The following PNKP variants were observed in gnomAD, a reference collection of about 807,000 sequenced individuals.
PNKP encodes bifunctional polynucleotide phosphatase/kinase.
In PNKP, 82 loss-of-function variants were observed where a neutral mutation model predicts 66.2. The observed-to-expected ratio is 1.24, with a 90% CI of 1.04 to 1.49. The LOEUF (loss-of-function observed/expected upper bound fraction) is 1.49, where lower values mean the gene tolerates loss of function less well. PNKP is among the 40% of genes most tolerant of loss of function. PNKP has a pLI of 0.00. For synonymous variants in PNKP, 412 were observed against 298.9 expected, an observed-to-expected ratio of 1.38 and a Z score of -3.90; for missense variants, 907 against 706.8, an observed-to-expected ratio of 1.28 and a Z score of -3.21.
At chr19:49,864,972 C>T (rs1263453359) in intron 4 of PNKP, among the ~76,000 whole-genome samples, 155 bp downstream of exon 4, 3 of 152,192 alleles carry the variant, frequency 2.0e-5, no homozygotes, top group East Asian at 3.8e-4. Flanking sequence ...ATATCATTCT[C>T]CCCACTGCTT....
Position 49,862,370 on chromosome 19 carries a change from C to A in PNKP, c.1029+1G>T, listed in dbSNP as rs959497903. Reference sequence around the variant, plus strand: ...CCCCCACCCCCGCCCCAGGGCCTCACCGGATCAAAGGCTGGGAGCTCGAAG... The same window carrying A: ...CCCCCACCCCCGCCCCAGGGCCTCAACGGATCAAAGGCTGGGAGCTCGAAG... On this transcript the variant is annotated splice_donor_variant, in intron 11 of 16. Coordinates refer to ENST00000322344, the MANE Select transcript of PNKP (RefSeq NM_007254.4). LOFTEE classifies it high-confidence loss of function. 1.3e-6 allele frequency: 2 copies of A among 1,541,698 alleles called. No homozygotes were observed. The highest frequency in any genetic ancestry group is 1.8e-6 in the Non-Finnish European group (2 of 1,139,338).
In PNKP at chr19:49,862,460, C is replaced by T. The variant is rs1381404753; in HGVS notation, c.940G>A (p.Ala314Thr). 3.8e-6 allele frequency: 6 copies of T among 1,591,272 alleles called. No individual in the cohort carries two copies. Among genetic ancestry groups the T allele is most frequent in the Non-Finnish European group, 5.1e-6 (6 of 1,168,870 alleles). The change falls in exon 11 of 17, where the codon GCC becomes ACC. Residue 314 changes from alanine (A) to threonine (T), a missense_variant. By Grantham distance (58) the Ala-to-Thr change is moderately conservative. Transcript: ENST00000322344. Reference protein sequence around the residue: ...KDFSCADRLFALNLGLPFATP... With the variant: ...KDFSCADRLFTLNLGLPFATP... Reference sequence around the variant, plus strand: ...GCGAAGGGCAGGCCAAGGTTGAGGGCAAACTAGGGGTTGAGGACGAACATC... The same window carrying T: ...GCGAAGGGCAGGCCAAGGTTGAGGGTAAACTAGGGGTTGAGGACGAACATC...
chr19:49,862,339 T>TCCCCCCCCCCCCCCCCC, intron 11 of PNKP, 32 bp downstream of exon 11: 1 of 954,092 alleles, frequency 1.0e-6, no homozygotes, highest in Non-Finnish European at 1.6e-6. Context: ...AGCCCTCCCA[T>TCCCCCCCCCCCCCCCCC]CCCCACCCCC....
chr19:49,864,159 A>T lies in PNKP; in HGVS notation c.636+20T>A. On this transcript the variant is annotated intron_variant, in intron 6 of 16. Transcript: ENST00000322344. ...GACCGCCACGTGCACGTGCCCATGC[A>T]GACAGGCGGCTGCACATACCTTGTA... 6.2e-7 allele frequency: 1 copy of T among 1,613,888 alleles called. No individual in the cohort carries two copies. The highest frequency in any genetic ancestry group is 8.5e-7 in the Non-Finnish European group (1 of 1,179,760).
chr19:49,862,954 T>C lies in PNKP; in HGVS notation c.817-216A>G, dbSNP rs1245003116. ...CCCCCTCCCTCCAGGTCTCCCGACT[T>C]CACCTCCTCCCGTTCCCCACGCGGC... On this transcript the variant is annotated intron_variant, in intron 8 of 16. Transcript: ENST00000322344. 10 of 654,818 alleles carry C rather than the reference T, an allele frequency of 1.5e-5. No individual in the cohort carries two copies. In the East Asian group the frequency reaches 2.7e-4, roughly 18 times the overall value. 40.6% of individuals were successfully genotyped at this position (654,818 alleles called of 1,614,324 possible). A position where few individuals can be genotyped will look rare whatever the true frequency, so the allele number is the denominator to read the frequency against.
At chr19:49,866,873 C>G (rs556457313) in intron 2 of PNKP, 181 bp downstream of exon 2, 1 of 693,760 alleles carries the variant, frequency 1.4e-6, no homozygotes, top group Non-Finnish European at 2.6e-6. Context: ...CCCCTCTCCC[C>G]CAAAGGATCT....
chr19:49,863,026 G>C (rs372618359), intron 8 of PNKP, among the ~76,000 whole-genome samples: 1 of 152,052 alleles, frequency 6.6e-6, no homozygotes, highest in East Asian at 1.9e-4. Flanking sequence ...CCGGCGTGCC[G>C]GCGCCTCCCA....
chr19:49,867,180 G>T lies in PNKP; in HGVS notation c.25C>A (p.Arg9Ser). 1.2e-6 allele frequency: 2 copies of T among 1,611,822 alleles called. No individual in the cohort carries two copies. The highest frequency in any genetic ancestry group is 8.5e-7 in the Non-Finnish European group (1 of 1,179,332). ...CCAGGGGGGCTCTCGAGCCACAAGCGGCCCGGGGCCTCCACCTCGCCCATC... is the reference window on the plus strand; with the variant it reads ...CCAGGGGGGCTCTCGAGCCACAAGCTGCCCGGGGCCTCCACCTCGCCCATC... MGEVEAPG[R>S]LWLESPPGGA... Residue 9 changes from arginine (R) to serine (S), a missense_variant, in exon 2 of 17, where the codon CGC (arginine) becomes AGC (serine). Transcript: ENST00000322344.
chr19:49,861,220 T>G lies in PNKP; in HGVS notation c.*28A>C. 8 of 1,443,796 alleles carry G rather than the reference T, an allele frequency of 5.5e-6. No homozygotes were observed. The highest frequency in any genetic ancestry group is 7.8e-6 in the Non-Finnish European group (8 of 1,025,734). 89.4% of individuals were successfully genotyped at this position (1,443,796 alleles called of 1,614,324 possible). A position where few individuals can be genotyped will look rare whatever the true frequency, so the allele number is the denominator to read the frequency against. ...CGGCCAAGCTCAAGGAGAAACAGCG[T>G]TTATTGTGGAGGGGAGCTGGGCGGG... On this transcript the variant is annotated 3_prime_UTR_variant, in exon 17 of 17. Coordinates refer to ENST00000322344, the MANE Select transcript of PNKP (RefSeq NM_007254.4).
rs1434733120 is a variant in PNKP, at chr19:49,866,398, C to T, written c.198+1G>A. The T allele has an allele frequency of 1.2e-6, 2 of 1,613,804 alleles. No homozygotes were observed. Among genetic ancestry groups the T allele is most frequent in the South Asian group, 2.2e-5 (2 of 91,086 alleles). ...GCTGGCCCTTGCAGAGGCACTGATACCTGTTTCACTGCCACTGTCCGGGTC... is the reference window on the plus strand; with the variant it reads ...GCTGGCCCTTGCAGAGGCACTGATATCTGTTTCACTGCCACTGTCCGGGTC... On this transcript the variant is annotated splice_donor_variant, in intron 3 of 16. Coordinates refer to ENST00000322344, the MANE Select transcript of PNKP (RefSeq NM_007254.4). LOFTEE classifies it high-confidence loss of function.
intron 8 of PNKP, among the ~76,000 whole-genome samples, chr19:49,862,976 C>A (rs981602460): frequency 6.6e-6 from 1 of 152,058 alleles, no homozygotes; most frequent in Non-Finnish European, 1.5e-5. Flanking sequence ...GTTCCCCACG[C>A]GGCCACCGGA....
intron 5 of PNKP, 42 bp from the exon 6 acceptor site, chr19:49,864,278 G>C: frequency 6.2e-7 from 1 of 1,611,390 alleles, no homozygotes; most frequent in Non-Finnish European, 8.5e-7. Flanking sequence ...CGGGGCCAGA[G>C]GTGGACTCCA....
At chr19:49,861,968 A>T in intron 13 of PNKP, 76 bp downstream of exon 13, 2 of 1,592,758 alleles carry the variant, frequency 1.3e-6, no homozygotes, top group Non-Finnish European at 1.7e-6. Context: ...TGATGGAGGA[A>T]AGCCGCCCCA....
At chr19:49,863,124 C>T (rs1383607477) in intron 8 of PNKP, among the ~76,000 whole-genome samples, 7 of 152,358 alleles carry the variant, frequency 4.6e-5, no homozygotes, top group East Asian at 3.9e-4. Context: ...GCATGGGCCT[C>T]GCTGTCCCTA....
chr19:49,864,476 C>T (rs1044770289), intron 4 of PNKP, 73 bp from the exon 5 acceptor site: 1 of 1,150,466 alleles, frequency 8.7e-7, no homozygotes, highest in Non-Finnish European at 1.3e-6. Context: ...GGCTGACTCA[C>T]ACCAACCCTG....
rs777786941 is a variant in PNKP at position 49,863,977 on chromosome 19, C to T, written c.731G>A (p.Gly244Glu). The change falls in exon 7 of 17, where the codon GGG (glycine) becomes GAG (glutamate). Residue 244 changes from glycine to glutamate, a missense_variant. Gly to Glu is a moderately conservative substitution (Grantham distance 98). Coordinates refer to ENST00000322344, the MANE Select transcript of PNKP (RefSeq NM_007254.4). ...AKVEAVVEKL[G>E]VPFQVLVATH... is the part of the protein sequence containing the mutation. The stretch of plus-strand genomic sequence containing the variant: ...TTCCAGCCATACCTGGAAGGGGACC[C>T]CCAGCTTCTCCACCACAGCCTCCAC... 6 of 1,613,372 alleles carry T rather than the reference C, an allele frequency of 3.7e-6. No individual in the cohort carries two copies. The highest frequency in any genetic ancestry group is 2.7e-5 in the African/African-American group (2 of 74,914).
chr19:49,866,521 G>A, intron 2 of PNKP, 76 bp from the exon 3 acceptor site: 4 of 1,393,720 alleles, frequency 2.9e-6, no homozygotes, highest in Non-Finnish European at 4.1e-6. Flanking sequence ...AGTGTGGCCT[G>A]CTTCAGGCTA....
intron 3 of PNKP, 175 bp from the exon 4 acceptor site, chr19:49,865,601 CTTTTTTTTTTTTT>C (rs749242089): frequency 5.3e-5 from 17 of 318,506 alleles, no homozygotes; most frequent in Non-Finnish European, 7.7e-5. Flanking sequence ...TTGTCCGAAT[CTTTTTTTTTTTTT>C]TTTTTTTTTT....
Position 49,861,508 on chromosome 19 carries a change from A to C in PNKP, c.1389T>G (p.Phe463Leu), listed in dbSNP as rs763116781. 16 of 1,612,984 alleles carry C rather than the reference A, an allele frequency of 9.9e-6. No homozygotes were observed. Among genetic ancestry groups the C allele is most frequent in the Non-Finnish European group, 1.4e-5 (16 of 1,179,484 alleles). The change falls in exon 16 of 17, where the codon TTT (phenylalanine) becomes TTG (leucine). Residue 463 changes from phenylalanine to leucine, a missense_variant and splice_region_variant. By Grantham distance (22) the Phe-to-Leu change is conservative. Transcript: ENST00000322344. ...TLEQARHNNR[F>L]REMTDSSHIP... ...TATGAGAGGAGTCCGTCATCTCTCG[A>C]AACTGTGGGGAACATCAGAGGGGCG... is the stretch of plus-strand genomic sequence containing the variant.
Sources: allele counts gnomAD v4.1 joint callset (sites outside exome capture counted in the v4.1 genomes callset), GRCh38; gene constraint gnomAD v4.1.1; transcripts MANE v1.5; gene names NCBI Gene and HGNC (gene_info 2026-07-23, HGNC 2026-07-21).